Variants in SLAMF8 observed in about 807,000 individuals in gnomAD.
SLAMF8 encodes the protein SLAM family member 8, also known as B lymphocyte activator macrophage expressed.
A neutral mutation model predicts 29.0 loss-of-function variants in SLAMF8; 23 were observed. The observed-to-expected ratio is 0.79, with a 90% CI of 0.57 to 1.13. SLAMF8 has a LOEUF of 1.13. Ranked by LOEUF, SLAMF8 falls within the 50% of genes most tolerant of loss-of-function variation. The pLI, the probability that SLAMF8 is intolerant of heterozygous loss-of-function variation, is 0.00. For missense variants in SLAMF8, 381 were observed against 353.1 expected (o/e 1.08, Z -0.63); for synonymous variants, 139 against 145.6 (o/e 0.96, Z 0.32).
chr1:159,836,635 C>G lies in SLAMF8; in HGVS notation c.*1375C>G. 1 of 985,452 alleles carries G rather than the reference C, an allele frequency of 1.0e-6. No individual in the cohort carries two copies. Among genetic ancestry groups the G allele is most frequent in the Non-Finnish European group, 1.2e-6 (1 of 829,948 alleles). 61.0% of individuals were successfully genotyped at this position (985,452 alleles called of 1,614,324 possible). ...GCTTCAATCTCCCCACCTAGGATGT[C>G]AGCCCTGTCCAAGGACCTTCCCTCT... On this transcript the variant is annotated 3_prime_UTR_variant, in exon 5 of 5. Transcript: ENST00000289707.
chr1:159,829,261 C>A (rs947171650), intron 1 of SLAMF8, among the ~76,000 whole-genome samples: 3 of 152,188 alleles, frequency 2.0e-5, no homozygotes, highest in African/African-American at 7.2e-5. Flanking sequence ...CTGCTTAAAA[C>A]CTACCTGAGA....
Position 159,835,658 on chromosome 1 carries a change from C to G in SLAMF8, c.*398C>G. The G allele has an allele frequency of 3.0e-6, 3 of 1,000,102 alleles. No homozygotes were observed. Among genetic ancestry groups the G allele is most frequent in the Non-Finnish European group, 3.6e-6 (3 of 839,212 alleles). 62.0% of individuals were successfully genotyped at this position (1,000,102 alleles called of 1,614,324 possible). ...AATTGCCTCCAGCCTGAGTCCTAGG[C>G]TCTAAAAGATATTACATATTTGAAC... is the stretch of plus-strand genomic sequence containing the variant. On this transcript the variant is annotated 3_prime_UTR_variant, in exon 5 of 5. Transcript: ENST00000289707.
intron 1 of SLAMF8, 125 bp from the exon 2 acceptor site, chr1:159,829,741 C>A (rs2101784716): frequency 9.9e-7 from 1 of 1,008,700 alleles, no homozygotes; most frequent in East Asian, 2.4e-5. Flanking sequence ...CACAGTGCAA[C>A]CTCAACTTGA....
At position 159,832,945 on chromosome 1, in the gene SLAMF8, G is replaced by A; in HGVS notation, c.437G>A (p.Cys146Tyr). The A allele has an allele frequency of 1.2e-6, 2 of 1,614,208 alleles. No individual in the cohort carries two copies. Among genetic ancestry groups the A allele is most frequent in the Non-Finnish European group, 8.5e-7 (1 of 1,180,040 alleles). The change falls in exon 3 of 5, where the codon TGC (cysteine) becomes TAC (tyrosine). Residue 146 changes from cysteine (C) to tyrosine (Y), a missense_variant. Coordinates refer to ENST00000289707, the MANE Select transcript of SLAMF8 (RefSeq NM_020125.3). ...VERDAQPSKT[C>Y]QVFLSCWAPN... The stretch of plus-strand genomic sequence containing the variant: ...AGGGATGCTCAGCCCTCCAAGACCT[G>A]CCAGGTTTTCTTGTCCTGTTGGGCC...
At chr1:159,828,226 G>A (rs553065191) in intron 1 of SLAMF8, among the ~76,000 whole-genome samples, 8 of 152,312 alleles carry the variant, frequency 5.3e-5, no homozygotes, top group South Asian at 2.1e-4. Context: ...CTGAAGCCTG[G>A]GGCAGGGTGA....
chr1:159,835,024 G>A (rs1647806282), intron 4 of SLAMF8, 160 bp from the exon 5 acceptor site: 1 of 630,078 alleles, frequency 1.6e-6, no homozygotes, highest in Non-Finnish European at 2.8e-6. Flanking sequence ...TATTCTTGAA[G>A]AGCCTCCCTT....
Position 159,835,417 on chromosome 1 carries a change from C to A in SLAMF8, c.*157C>A. 1.4e-6 allele frequency: 2 copies of A among 1,407,400 alleles called. No individual in the cohort carries two copies. The highest frequency in any genetic ancestry group is 1.8e-6 in the Non-Finnish European group (2 of 1,081,896). The allele number at this position is 1,407,400 out of a possible 1,614,324, so 87.2% of individuals were successfully genotyped here. On this transcript the variant is annotated 3_prime_UTR_variant, in exon 5 of 5. Transcript: ENST00000289707. ...AGGAGCAGCCTGGGCAGCCATCACACCACGAGGACAGGAAGCACCAGCACG... is the reference window on the plus strand; with the variant it reads ...AGGAGCAGCCTGGGCAGCCATCACAACACGAGGACAGGAAGCACCAGCACG...
In SLAMF8 at chr1:159,836,506, G is replaced by T; in HGVS notation, c.*1246G>T. Reference sequence around the variant, plus strand: ...AAGGTTCACAGTTTCTCTCACCCAGGTGTAACTGGATTTTTTCTGGGGCCT... The same window carrying T: ...AAGGTTCACAGTTTCTCTCACCCAGTTGTAACTGGATTTTTTCTGGGGCCT... On this transcript the variant is annotated 3_prime_UTR_variant, in exon 5 of 5. Transcript: ENST00000289707. 9 of 985,454 alleles carry T rather than the reference G, an allele frequency of 9.1e-6. No individual in the cohort carries two copies. Among genetic ancestry groups the T allele is most frequent in the Non-Finnish European group, 1.1e-5 (9 of 829,948 alleles). 61.0% of individuals were successfully genotyped at this position (985,454 alleles called of 1,614,324 possible). A position where few individuals can be genotyped will look rare whatever the true frequency, so the allele number is the denominator to read the frequency against.
chr1:159,828,193 A>G (rs1381450666), intron 1 of SLAMF8, among the ~76,000 whole-genome samples: 2 of 152,192 alleles, frequency 1.3e-5, no homozygotes, highest in East Asian at 3.8e-4. Context: ...GACCTGGTAC[A>G]GACCCCTTAT....
Position 159,826,920 on chromosome 1 carries a change from A to G in SLAMF8, c.22A>G (p.Ser8Gly). 6.2e-7 allele frequency: 1 copy of G among 1,614,052 alleles called. No individual in the cohort carries two copies. Among genetic ancestry groups the G allele is most frequent in the Non-Finnish European group, 8.5e-7 (1 of 1,180,012 alleles). The part of the protein sequence containing the change: MVMRPLW[S>G]LLLWEALLPI... ...AAAGATGGTCATGAGGCCCCTGTGG[A>G]GTCTGCTTCTCTGGGAAGGTAAGTG... is the stretch of plus-strand genomic sequence containing the variant. The change falls in exon 1 of 5, where the codon AGT becomes GGT. Residue 8 changes from serine to glycine, a missense_variant. By Grantham distance (56) the Ser-to-Gly change is moderately conservative. Transcript: ENST00000289707.
chr1:159,835,247 AG>A lies in SLAMF8; in HGVS notation c.847del (p.Asp283IlefsTer138). On this transcript the variant is annotated frameshift_variant, in exon 5 of 5. Coordinates refer to ENST00000289707, the MANE Select transcript of SLAMF8 (RefSeq NM_020125.3). LOFTEE classifies it high-confidence loss of function. ...CCAGAGACAGAGAACCCCCTTGTGC[AG>A]GATCTGCCATAAAGGACAATATGAA... ...VGPETENPLV[Q>X]DLP 1 of 1,613,964 alleles carries A rather than the reference AG, an allele frequency of 6.2e-7. No homozygotes were observed. The highest frequency in any genetic ancestry group is 2.2e-5 in the East Asian group (1 of 44,880).
chr1:159,826,959 G>T (rs568337997), intron 1 of SLAMF8, 21 bp downstream of exon 1: 2 of 1,614,034 alleles, frequency 1.2e-6, no homozygotes, highest in East Asian at 4.5e-5. Flanking sequence ...CAGGCAGATA[G>T]CCTGTCCTCG....
chr1:159,827,607 C>T (rs1235685404), intron 1 of SLAMF8, among the ~76,000 whole-genome samples: 6 of 152,072 alleles, frequency 3.9e-5, no homozygotes, highest in Middle Eastern at 3.2e-3. Flanking sequence ...TCAACACTGC[C>T]GGGCCATGGA....
chr1:159,833,240 A>C, intron 3 of SLAMF8, 22 bp from the exon 4 acceptor site: 2 of 1,614,148 alleles, frequency 1.2e-6, no homozygotes, highest in Non-Finnish European at 1.7e-6. Flanking sequence ...GTCCACCTCT[A>C]ACCCCACCCC....
At position 159,836,180 on chromosome 1, in the gene SLAMF8, C is replaced by T. The variant is rs113962950; in HGVS notation, c.*920C>T. ...ACTGAGAGAGTGAAGAACCATAAAA[C>T]GCTATGCAGAAGGAACATTATGGAG... On this transcript the variant is annotated 3_prime_UTR_variant, in exon 5 of 5. Coordinates refer to ENST00000289707, the MANE Select transcript of SLAMF8 (RefSeq NM_020125.3). 22 of 985,420 alleles carry T rather than the reference C, an allele frequency of 2.2e-5. No homozygotes were observed. Among genetic ancestry groups the T allele is most frequent in the South Asian group, 4.7e-5 (1 of 21,288 alleles). 61.0% of individuals were successfully genotyped at this position (985,420 alleles called of 1,614,324 possible).
In SLAMF8 at chr1:159,836,165, T is replaced by A; in HGVS notation, c.*905T>A. 28 of 984,828 alleles carry A rather than the reference T, an allele frequency of 2.8e-5. No individual in the cohort carries two copies. Among genetic ancestry groups the A allele is most frequent in the Non-Finnish European group, 3.4e-5 (28 of 829,704 alleles). 61.0% of individuals were successfully genotyped at this position (984,828 alleles called of 1,614,324 possible). ...GTCTTCCTGCCTGAAACTGAGAGAG[T>A]GAAGAACCATAAAACGCTATGCAGA... On this transcript the variant is annotated 3_prime_UTR_variant, in exon 5 of 5. Coordinates refer to ENST00000289707, the MANE Select transcript of SLAMF8 (RefSeq NM_020125.3).
In SLAMF8 at chr1:159,836,460, C is replaced by T. The variant is rs1647945662; in HGVS notation, c.*1200C>T. 1 of 985,440 alleles carries T rather than the reference C, an allele frequency of 1.0e-6. No individual in the cohort carries two copies. The highest frequency in any genetic ancestry group is 1.2e-6 in the Non-Finnish European group (1 of 829,926). 61.0% of individuals were successfully genotyped at this position (985,440 alleles called of 1,614,324 possible). A position where few individuals can be genotyped will look rare whatever the true frequency, so the allele number is the denominator to read the frequency against. On this transcript the variant is annotated 3_prime_UTR_variant, in exon 5 of 5. Transcript: ENST00000289707. Reference sequence around the variant, plus strand: ...AAAACACTTAAGGAGCTAAACTTACCTTCGGGGATTATTAGCTGATAAGGT... The same window carrying T: ...AAAACACTTAAGGAGCTAAACTTACTTTCGGGGATTATTAGCTGATAAGGT...
chr1:159,828,156 C>T (rs1196136469), intron 1 of SLAMF8, among the ~76,000 whole-genome samples: 2 of 152,160 alleles, frequency 1.3e-5, no homozygotes, highest in African/African-American at 2.4e-5. Flanking sequence ...TTCAAATGGC[C>T]CTTAATGATC....
rs1478722743 is a variant in SLAMF8, at chr1:159,837,465, G to A, written c.*2205G>A. On this transcript the variant is annotated 3_prime_UTR_variant, in exon 5 of 5. Coordinates refer to ENST00000289707, the MANE Select transcript of SLAMF8 (RefSeq NM_020125.3). ...CCTTGCCTTTGAGAGTTTATGGTCT[G>A]GATAATATAAATAAACAAGTAAGCA... The A allele has an allele frequency of 4.4e-6, 1 of 227,244 alleles. No individual in the cohort carries two copies. Among genetic ancestry groups the A allele is most frequent in the Admixed American group, 6.4e-5 (1 of 15,718 alleles). 14.1% of individuals were successfully genotyped at this position (227,244 alleles called of 1,614,324 possible).
Sources: allele counts gnomAD v4.1 joint callset (sites outside exome capture counted in the v4.1 genomes callset), GRCh38; gene constraint gnomAD v4.1.1; transcripts MANE v1.5; gene names NCBI Gene and HGNC (gene_info 2026-07-23, HGNC 2026-07-21).